Variants in ARHGAP10 observed in about 807,000 individuals in gnomAD.
ARHGAP10 encodes rho GTPase-activating protein 10.
In ARHGAP10, 87 loss-of-function variants were observed where a neutral mutation model predicts 108.6. The observed-to-expected ratio is 0.80, with a 90% confidence interval of 0.67 to 0.96. ARHGAP10 has a LOEUF of 0.96. Ranked by LOEUF, ARHGAP10 falls within the 40% of genes least tolerant of loss-of-function variation. The pLI, the probability that ARHGAP10 is intolerant of heterozygous loss-of-function variation, is 0.00. For missense variants in ARHGAP10, 939 were observed against 954.5 expected, an observed-to-expected ratio of 0.98 and a Z score of 0.21; for synonymous variants, 347 against 341.1, an observed-to-expected ratio of 1.02 and a Z score of -0.19.
At chr4:147,879,822 A>G (rs1560806367) in intron 9 of ARHGAP10, among the ~76,000 whole-genome samples, 1 of 152,208 alleles carries the variant, frequency 6.6e-6, no homozygotes. Context: ...TTAGGTGAAC[A>G]ATAGAATCCT....
intron 1 of ARHGAP10, among the ~76,000 whole-genome samples, chr4:147,736,055 C>A (rs1404007652): frequency 2.6e-5 from 4 of 151,824 alleles, no homozygotes; most frequent in African/African-American, 7.3e-5. Flanking sequence ...AACTAACAGT[C>A]CTTACAGTTA....
chr4:148,054,381 G>A (rs557694613), intron 20 of ARHGAP10, among the ~76,000 whole-genome samples: 1 of 152,346 alleles, frequency 6.6e-6, no homozygotes, highest in East Asian at 1.9e-4. Context: ...CCTCTGGGCC[G>A]GGGTGAGGTT....
At chr4:148,065,401 A>G (rs1333723017) in intron 22 of ARHGAP10, 1 of 152,226 alleles carries the variant, frequency 6.6e-6, no homozygotes. Flanking sequence ...CATTTAGAAT[A>G]GATTTCTATA....
At chr4:147,834,284 C>T (rs1353541075) in intron 3 of ARHGAP10, among the ~76,000 whole-genome samples, 9 of 151,918 alleles carry the variant, frequency 5.9e-5, no homozygotes, top group Non-Finnish European at 1.5e-5. Context: ...GTCTGGGCAA[C>T]ATAATGAGAC....
intron 16 of ARHGAP10, among the ~76,000 whole-genome samples, chr4:147,957,747 A>G (rs1049612696): frequency 1.3e-5 from 2 of 152,110 alleles, no homozygotes; most frequent in African/African-American, 2.4e-5. Context: ...TTCTCTCATC[A>G]GTTTCTTTCC....
chr4:147,953,419 T>C lies in ARHGAP10; in HGVS notation c.1392-1897T>C, dbSNP rs549597596. Among the ~76,000 whole-genome samples, 63 of 152,218 alleles carry C rather than the reference T, an allele frequency of 4.1e-4. No homozygotes were observed. The South Asian group carries it at 0.013, about 31-fold the overall frequency. On this transcript the variant is annotated intron_variant, in intron 15 of 22. Coordinates refer to ENST00000336498, the MANE Select transcript of ARHGAP10 (RefSeq NM_024605.4). ...CCCTAGAGTTTTCTTACTGGCAAGA[T>C]TTTTAACCACAAATTCAATAGGACT...
At chr4:147,954,032 A>G (rs1738702534) in intron 15 of ARHGAP10, among the ~76,000 whole-genome samples, 1 of 152,072 alleles carries the variant, frequency 6.6e-6, no homozygotes, top group South Asian at 2.1e-4. Context: ...TTGATTTTTA[A>G]TTCAGTTTTT....
intron 18 of ARHGAP10, among the ~76,000 whole-genome samples, chr4:148,004,895 G>A (rs1005190441): frequency 2.6e-5 from 4 of 152,178 alleles, no homozygotes; most frequent in African/African-American, 9.7e-5. Flanking sequence ...GCATGAGTCA[G>A]AAAATATAAT....
intron 3 of ARHGAP10, among the ~76,000 whole-genome samples, chr4:147,846,025 T>C (rs776734189): frequency 6.6e-6 from 1 of 152,210 alleles, no homozygotes; most frequent in Non-Finnish European, 1.5e-5. Context: ...TCTTAATTCT[T>C]TCTTTTAGAG....
chr4:147,738,483 G>T (rs1237596590), intron 1 of ARHGAP10, among the ~76,000 whole-genome samples: 1 of 152,094 alleles, frequency 6.6e-6, no homozygotes, highest in Non-Finnish European at 1.5e-5. Flanking sequence ...GACCCAGGAG[G>T]TGGAGCTTTC....
At chr4:147,898,603 G>A (rs563495692) in intron 10 of ARHGAP10, among the ~76,000 whole-genome samples, 5 of 151,936 alleles carry the variant, frequency 3.3e-5, no homozygotes, top group African/African-American at 4.8e-5. Context: ...TTTGGGATTC[G>A]AATTACCTTA....
chr4:148,018,797 C>T (rs1741451350), intron 18 of ARHGAP10, among the ~76,000 whole-genome samples: 1 of 152,150 alleles, frequency 6.6e-6, no homozygotes, highest in Admixed American at 6.5e-5. Context: ...TATAGTTTGG[C>T]AGCAGTGACT....
At chr4:147,774,192 G>A (rs1289225654) in intron 1 of ARHGAP10, among the ~76,000 whole-genome samples, 1 of 152,102 alleles carries the variant, frequency 6.6e-6, no homozygotes, top group Non-Finnish European at 1.5e-5. Flanking sequence ...TTATTATCTT[G>A]GTACATGTTA....
At position 147,739,862 on chromosome 4, in the gene ARHGAP10, A is replaced by G. The variant is rs187651924; in HGVS notation, c.154+7407A>G. ...GCGATTCTCCCGCCTCAGCCTCCCA[A>G]GTAGCTGGGATTACAGGCGCCTGCC... is the stretch of plus-strand genomic sequence containing the variant. On this transcript the variant is annotated intron_variant, in intron 1 of 22. Coordinates refer to ENST00000336498, the MANE Select transcript of ARHGAP10 (RefSeq NM_024605.4). Among the ~76,000 whole-genome samples, 30 of 140,992 alleles carry G rather than the reference A, an allele frequency of 2.1e-4. No individual in the cohort carries two copies. The East Asian group carries it at 6.2e-3, about 29-fold the overall frequency. The allele number at this position is 140,992 out of a possible 152,430, so 92.5% of individuals were successfully genotyped here. A position where few individuals can be genotyped will look rare whatever the true frequency, so the allele number is the denominator to read the frequency against.
At chr4:147,776,631 T>A (rs1730302225) in intron 1 of ARHGAP10, among the ~76,000 whole-genome samples, 1 of 152,152 alleles carries the variant, frequency 6.6e-6, no homozygotes, top group African/African-American at 2.4e-5. Context: ...AAATCATTGT[T>A]CTAGAACTTT....
intron 13 of ARHGAP10, among the ~76,000 whole-genome samples, chr4:147,928,456 T>A (rs1381341891): frequency 6.6e-6 from 1 of 152,138 alleles, no homozygotes; most frequent in African/African-American, 2.4e-5. Flanking sequence ...AAGTGCCTGC[T>A]GGTGGGGAGG....
At chr4:147,973,201 G>A (rs1490765312) in intron 18 of ARHGAP10, among the ~76,000 whole-genome samples, 1 of 152,180 alleles carries the variant, frequency 6.6e-6, no homozygotes, top group Non-Finnish European at 1.5e-5. Flanking sequence ...GGAAAAGCCA[G>A]AATAGACATG....
intron 16 of ARHGAP10, 103 bp downstream of exon 16, chr4:147,955,477 T>G: frequency 9.8e-7 from 1 of 1,020,764 alleles, no homozygotes; most frequent in South Asian, 1.5e-5. Context: ...GCAGTTTGTG[T>G]TAAAAATAGA....
chr4:147,857,711 T>C (rs1734152714), intron 5 of ARHGAP10, 57 bp downstream of exon 5: 1 of 1,307,144 alleles, frequency 7.7e-7, no homozygotes, highest in Non-Finnish European at 1.0e-6. Context: ...ATACATGTCT[T>C]TTAAAAATGT....
Sources: allele counts gnomAD v4.1 joint callset (sites outside exome capture counted in the v4.1 genomes callset), GRCh38; gene constraint gnomAD v4.1.1; transcripts MANE v1.5; gene names NCBI Gene and HGNC (gene_info 2026-07-23, HGNC 2026-07-21).